PPEF1: variants seen among roughly 807,000 people sequenced by gnomAD.
The protein encoded by PPEF1 is serine/threonine-protein phosphatase with EF-hands 1.
In PPEF1, 12 loss-of-function variants were observed where a neutral mutation model predicts 53.3. The observed-to-expected ratio is 0.23, with a 90% CI of 0.14 to 0.36. The LOEUF (loss-of-function observed/expected upper bound fraction) is 0.36, where lower values mean the gene tolerates loss of function less well. Ranked by LOEUF, PPEF1 falls within the 10% of genes least tolerant of loss-of-function variation. The probability of loss-of-function intolerance (pLI) is 1.00; values close to 1 mark genes in which losing one functional copy is unlikely to be tolerated. For missense variants in PPEF1, 334 were observed against 490.4 expected (o/e 0.68, Z 3.01); for synonymous variants, 165 against 176.7 (o/e 0.93, Z 0.52).
At chrX:18,799,858 A>G in intron 10 of PPEF1, among the ~76,000 whole-genome samples, 1 of 111,996 alleles carries the variant, frequency 8.9e-6, no homozygotes. Context: ...GATGGTTTCT[A>G]CTGAGGAATT....
At chrX:18,764,933 G>C (rs369389263) in intron 6 of PPEF1, among the ~76,000 whole-genome samples, 1 of 111,972 alleles carries the variant, frequency 8.9e-6, no homozygotes, top group Non-Finnish European at 1.9e-5. Context: ...CTTTAATTCT[G>C]TCTGCAAAAC....
At chrX:18,805,747 G>T (rs2046645853) in intron 11 of PPEF1, among the ~76,000 whole-genome samples, 1 of 109,350 alleles carries the variant, frequency 9.1e-6, no homozygotes, top group Non-Finnish European at 1.9e-5. Context: ...GGAGGCTGAG[G>T]CAGGAGAATT....
At chrX:18,800,456 T>C (rs941783443) in intron 10 of PPEF1, among the ~76,000 whole-genome samples, 4 of 110,818 alleles carry the variant, frequency 3.6e-5, no homozygotes, top group Non-Finnish European at 7.5e-5. Flanking sequence ...CAATAACAGA[T>C]TGAAAATATT....
At chrX:18,682,606 T>C (rs913257466), upstream of PPEF1, among the ~76,000 whole-genome samples, 1 of 111,382 alleles carries the variant, frequency 9.0e-6, no homozygotes, top group African/African-American at 3.3e-5. Flanking sequence ...TACCATTGAC[T>C]CTTCAGTTAT....
chrX:18,792,768 G>A (rs2046345929), intron 10 of PPEF1, among the ~76,000 whole-genome samples: 1 of 112,003 alleles, frequency 8.9e-6, no homozygotes, highest in South Asian at 3.7e-4. Context: ...AAGGAATGAA[G>A]GGTTTTACTG....
In PPEF1 at chrX:18,690,172, G is replaced by A. The variant is rs370965487; in HGVS notation, c.-425-810G>A. 8.8e-3 allele frequency among the ~76,000 whole-genome samples: 977 copies of A among 110,576 alleles called. 1 individual carries two copies. The highest frequency in any genetic ancestry group is 0.014 in the Non-Finnish European group (755 of 52,902). ...ATCCCCAGGGTGTAGAACAGTACCC[G>A]GCACATAATAGATGCTCAACAAATA... is the stretch of plus-strand genomic sequence containing the variant. On this transcript the variant is annotated intron_variant, in intron 3 of 21. Coordinates refer to the PPEF1 transcript ENST00000361511.
At chrX:18,826,461 TC>T (rs1191569421) in intron 15 of PPEF1, among the ~76,000 whole-genome samples, 1 of 95,364 alleles carries the variant, frequency 1.0e-5, no homozygotes, top group East Asian at 3.6e-4. Context: ...AGAGTTTTGC[TC>T]TTGTTGCCCA....
chrX:18,690,638 G>T (rs1929321872), intron 3 of PPEF1, among the ~76,000 whole-genome samples: 1 of 112,370 alleles, frequency 8.9e-6, no homozygotes, highest in Admixed American at 9.4e-5. Flanking sequence ...GCCTCCCAAA[G>T]TGCTGGGATT....
At chrX:18,719,980 G>T (rs2044545263) in intron 1 of PPEF1, among the ~76,000 whole-genome samples, 1 of 111,871 alleles carries the variant, frequency 8.9e-6, no homozygotes, top group Non-Finnish European at 1.9e-5. Context: ...AGTGATCCAA[G>T]TTCGCTCAGT....
At chrX:18,701,270 G>A (rs569846144) in intron 6 of PPEF1, among the ~76,000 whole-genome samples, 1 of 112,049 alleles carries the variant, frequency 8.9e-6, no homozygotes, top group Non-Finnish European at 1.9e-5. Context: ...ATTGCTTTGC[G>A]ACTCTTAAAT....
intron 10 of PPEF1, among the ~76,000 whole-genome samples, chrX:18,803,490 T>A (rs1189741657): frequency 1.8e-5 from 2 of 112,625 alleles, no homozygotes; most frequent in Non-Finnish European, 3.8e-5. Flanking sequence ...AGGGTCTCTG[T>A]CTGTCACCCA....
chrX:18,737,382 A>AC (rs771290386), intron 3 of PPEF1, among the ~76,000 whole-genome samples: 4 of 111,779 alleles, frequency 3.6e-5, no homozygotes, highest in African/African-American at 1.3e-4. Context: ...TTCGTTATGT[A>AC]CCAGTAGTCA....
intron 10 of PPEF1, among the ~76,000 whole-genome samples, chrX:18,795,459 G>C (rs180892851): frequency 8.9e-6 from 1 of 112,220 alleles, no homozygotes; most frequent in Non-Finnish European, 1.9e-5. Flanking sequence ...AATAAGCCAT[G>C]TACTCATCTT....
intron 3 of PPEF1, among the ~76,000 whole-genome samples, chrX:18,741,176 A>G (rs760960765): frequency 1.8e-5 from 2 of 112,068 alleles, no homozygotes; most frequent in East Asian, 2.8e-4. Context: ...TTTCTTTTAG[A>G]TAACTGCAAT....
chrX:18,682,855 C>T (rs1221567480), upstream of PPEF1, among the ~76,000 whole-genome samples: 1 of 111,101 alleles, frequency 9.0e-6, no homozygotes. Context: ...TTAATCTGTT[C>T]TCACGCTGCT....
chrX:18,748,291 A>G (rs1232250688), intron 3 of PPEF1, among the ~76,000 whole-genome samples: 2 of 112,791 alleles, frequency 1.8e-5, no homozygotes, highest in South Asian at 7.3e-4. Flanking sequence ...ATTGCCAAAT[A>G]GTATGACTTT....
At chrX:18,693,169 G>A (rs1017599633) in intron 4 of PPEF1, among the ~76,000 whole-genome samples, 10 of 112,107 alleles carry the variant, frequency 8.9e-5, no homozygotes, top group Non-Finnish European at 1.7e-4. Context: ...ACAAAAACTC[G>A]CTACAGTGTC....
rs751373084 is a variant in PPEF1, at chrX:18,687,294, CAG to C, written c.-426+1064_-426+1065del. Among the ~76,000 whole-genome samples, 63 of 111,098 alleles carry C rather than the reference CAG, an allele frequency of 5.7e-4. 1 individual carries two copies. Among genetic ancestry groups the C allele is most frequent in the East Asian group, 1.1e-3 (4 of 3,554 alleles). On this transcript the variant is annotated intron_variant, in intron 3 of 21. Coordinates refer to the PPEF1 transcript ENST00000361511. ...AAACGGGGGTTTTATTAGTAAGGAA[CAG>C]GGGGAGAATGGACAGTAATGATCAG...
chrX:18,750,235 A>G (rs761968857), intron 4 of PPEF1, among the ~76,000 whole-genome samples: 12 of 111,484 alleles, frequency 1.1e-4, no homozygotes, highest in Non-Finnish European at 2.1e-4. Context: ...TTTTTCACGC[A>G]TTCACAGGAT....
Sources: allele counts gnomAD v4.1 joint callset (sites outside exome capture counted in the v4.1 genomes callset), GRCh38; gene constraint gnomAD v4.1.1; transcripts MANE v1.5; gene names NCBI Gene and HGNC (gene_info 2026-07-23, HGNC 2026-07-21).